The following HUS1 variants were observed in gnomAD, a reference collection of about 807,000 sequenced individuals.
HUS1 encodes HUS1 checkpoint clamp component, also known as checkpoint protein HUS1.
HUS1 carries 31 observed loss-of-function variants against 32.6 expected under a neutral mutation model. The observed-to-expected ratio is 0.95, with a 90% CI of 0.72 to 1.28. The LOEUF (loss-of-function observed/expected upper bound fraction) is 1.28. HUS1 is among the 50% of genes most tolerant of loss of function. The probability of loss-of-function intolerance (pLI) is 0.00; values close to 1 mark genes in which losing one functional copy is unlikely to be tolerated. For missense variants in HUS1, 340 were observed against 337.7 expected, an observed-to-expected ratio of 1.01 and a Z score of -0.05; for synonymous variants, 123 against 116.6, an observed-to-expected ratio of 1.06 and a Z score of -0.36.
At position 47,964,024 on chromosome 7, in the gene HUS1, A is replaced by T. The variant is rs1341332115; in HGVS notation, c.*1332T>A. The stretch of plus-strand genomic sequence containing the variant: ...CAAAATATAAATTTTCATGTTAGCT[A>T]GTCTTCCAATTTCATTTTATCCTAA... On this transcript the variant is annotated 3_prime_UTR_variant, in exon 8 of 8. Coordinates refer to ENST00000258774, the MANE Select transcript of HUS1 (RefSeq NM_004507.4). The T allele has an allele frequency of 6.6e-6, 1 of 152,262 alleles. No individual in the cohort carries two copies. The highest frequency in any genetic ancestry group is 1.5e-5 in the Non-Finnish European group (1 of 68,046). 9.4% of individuals were successfully genotyped at this position (152,262 alleles called of 1,614,324 possible).
At chr7:47,968,988 AC>A (rs1429456599) in intron 6 of HUS1, 1 of 477,592 alleles carries the variant, frequency 2.1e-6, no homozygotes, top group Non-Finnish European at 3.7e-6. Flanking sequence ...GAGGATGGAG[AC>A]CCTGCACAGA....
intron 4 of HUS1, 140 bp downstream of exon 4, chr7:47,976,590 T>C (rs1319024496): frequency 1.5e-5 from 10 of 670,062 alleles, no homozygotes; most frequent in Non-Finnish European, 2.4e-5. Flanking sequence ...TTTATGTAAA[T>C]AACAAAAGGC....
intron 3 of HUS1, 123 bp downstream of exon 3, chr7:47,978,294 T>C (rs1444508593): frequency 4.9e-6 from 4 of 820,088 alleles, no homozygotes; most frequent in Non-Finnish European, 7.7e-6. Context: ...ATGGACCAGA[T>C]CTTTAAATTT....
Position 47,973,881 on chromosome 7 carries a change from C to T in HUS1, c.540+1732G>A, listed in dbSNP as rs1467358072. On this transcript the variant is annotated intron_variant, in intron 5 of 7. Coordinates refer to ENST00000258774, the MANE Select transcript of HUS1 (RefSeq NM_004507.4). Reference sequence around the variant, plus strand: ...GCCATCCTTCAATTAACAGCCCTGTCTTTTCTCTCCTGGGCCTCTCTGAAT... The same window carrying T: ...GCCATCCTTCAATTAACAGCCCTGTTTTTTCTCTCCTGGGCCTCTCTGAAT... Among the ~76,000 whole-genome samples the T allele has an allele frequency of 2.0e-5, 3 of 152,228 alleles. No individual in the cohort carries two copies. In the South Asian group the frequency reaches 6.2e-4, roughly 31 times the overall value.
Position 47,967,910 on chromosome 7 carries a change from T to A in HUS1, c.656A>T (p.His219Leu), listed in dbSNP as rs1198579054. 1 of 1,612,714 alleles carries A rather than the reference T, an allele frequency of 6.2e-7. No individual in the cohort carries two copies. Among genetic ancestry groups the A allele is most frequent in the Non-Finnish European group, 8.5e-7 (1 of 1,179,418 alleles). ...CATGTGTTCCACGTTTCTGTCCTCA[T>A]GGGTGCTTTCAGAGGCTAAAATGAT... ...GNPPLASESTHEDRNVEHMAE... is the reference protein window; with the variant it reads ...GNPPLASESTLEDRNVEHMAE... The change falls in exon 7 of 8, where the codon CAT becomes CTT. Residue 219 changes from histidine (H) to leucine (L), a missense_variant. Coordinates refer to ENST00000258774, the MANE Select transcript of HUS1 (RefSeq NM_004507.4).
chr7:47,976,243 A>G (rs747178922), intron 4 of HUS1: 2 of 414,886 alleles, frequency 4.8e-6, no homozygotes, highest in East Asian at 7.1e-5. Flanking sequence ...TTCTTCTTAA[A>G]CAAATTGTGA....
In HUS1 at chr7:47,975,495, T is replaced by C. The variant is rs945421301; in HGVS notation, c.540+118A>G. The C allele has an allele frequency of 4.7e-5, 33 of 700,234 alleles. No homozygotes were observed. The Admixed American group carries it at 5.9e-4, about 12-fold the overall frequency. The allele number at this position is 700,234 out of a possible 1,614,324, so 43.4% of individuals were successfully genotyped here. A position where few individuals can be genotyped will look rare whatever the true frequency, so the allele number is the denominator to read the frequency against. ...TTCTCAGCACCAGGCCAGGTCCTCA[T>C]AAGTGGGAACTCGGTTAGGAGGTGC... On this transcript the variant is annotated intron_variant, in intron 5 of 7. Transcript: ENST00000258774.
Position 47,970,530 on chromosome 7 carries a change from AAAT to A in HUS1, c.541-1215_541-1213del, listed in dbSNP as rs562059609. On this transcript the variant is annotated intron_variant, in intron 5 of 7. Transcript: ENST00000258774. ...CAAAGAGTTAAAAGGATCTGACAGAAAATAATAAAGACAGTGGAGAAGATCCAA... is the reference window on the plus strand; with the variant it reads ...CAAAGAGTTAAAAGGATCTGACAGAAAATAAAGACAGTGGAGAAGATCCAA... Among the ~76,000 whole-genome samples, 16 of 152,290 alleles carry A rather than the reference AAAT, an allele frequency of 1.1e-4. No homozygotes were observed. The South Asian group carries it at 3.1e-3, about 30-fold the overall frequency.
Position 47,976,734 on chromosome 7 carries a change from G to A in HUS1, c.461C>T (p.Pro154Leu). The change falls in exon 4 of 8, where the codon CCT becomes CTT. Residue 154 changes from proline to leucine, a missense_variant. By Grantham distance (98) the Pro-to-Leu change is moderately conservative (BLOSUM62 -3). Transcript: ENST00000258774. ...AGGACTGCAGGCATCACCTACATCA[G>A]GATCTGGGACCACCGGTTCTTGTAA... is the stretch of plus-strand genomic sequence containing the variant. ...KDLQEPVVPD[P>L]DVSIYLPVLK... The A allele has an allele frequency of 6.3e-7, 1 of 1,588,808 alleles. No homozygotes were observed. The highest frequency in any genetic ancestry group is 8.6e-7 in the Non-Finnish European group (1 of 1,157,026).
chr7:47,976,101 G>T (rs181188328), intron 4 of HUS1: 26 of 334,462 alleles, frequency 7.8e-5, no homozygotes, highest in African/African-American at 4.9e-4. Context: ...ACAAAAACAT[G>T]GCAGACAGTC....
intron 5 of HUS1, among the ~76,000 whole-genome samples, chr7:47,969,815 G>A (rs564053718): frequency 1.3e-5 from 2 of 152,292 alleles, no homozygotes; most frequent in South Asian, 2.1e-4. Flanking sequence ...AAAGTCCTGG[G>A]GATGTGGTGA....
chr7:47,969,016 T>G (rs1203450812), intron 6 of HUS1: 4 of 517,972 alleles, frequency 7.7e-6, no homozygotes, highest in South Asian at 4.7e-5. Flanking sequence ...AGCTACTTGG[T>G]GGCACAGCTT....
chr7:47,978,704 C>A lies in HUS1; in HGVS notation c.165G>T (p.Trp55Cys). The A allele has an allele frequency of 6.2e-7, 1 of 1,614,198 alleles. No individual in the cohort carries two copies. The highest frequency in any genetic ancestry group is 8.5e-7 in the Non-Finnish European group (1 of 1,180,000). Residue 55 changes from tryptophan (W) to cysteine (C), a missense_variant, in exon 2 of 8, where the codon TGG becomes TGT. Trp to Cys is a radical substitution (Grantham distance 215). Coordinates refer to ENST00000258774, the MANE Select transcript of HUS1 (RefSeq NM_004507.4). Reference sequence around the variant, plus strand: ...TTTTGCTCACCTGTTCCAGCTCACACCACATGCTCACTCCTCCATTAGCCA... The same window carrying A: ...TTTTGCTCACCTGTTCCAGCTCACAACACATGCTCACTCCTCCATTAGCCA... ...DKLANGGVSM[W>C]CELEQENFFN...
chr7:47,979,299 CTCCCG>C, intron 1 of HUS1, 164 bp downstream of exon 1: 1 of 413,196 alleles, frequency 2.4e-6, no homozygotes, highest in African/African-American at 2.1e-5. Flanking sequence ...GCCCCGCGCC[CTCCCG>C]GCCCCACCCT....
intron 6 of HUS1, 95 bp downstream of exon 6, chr7:47,969,124 A>T (rs1440077032): frequency 1.5e-6 from 1 of 648,398 alleles, no homozygotes; most frequent in African/African-American, 1.8e-5. Flanking sequence ...AAGTCAACTG[A>T]ATTTCAACCT....
chr7:47,978,977 G>C lies in HUS1; in HGVS notation c.53-161C>G. ...AGTACTTTAATACCCCTGATGTCAC[G>C]CAATTCTCCCAACAAACTAGGGGAG... On this transcript the variant is annotated intron_variant, in intron 1 of 7. Transcript: ENST00000258774. 1.2e-5 allele frequency: 8 copies of C among 661,802 alleles called. No homozygotes were observed. The South Asian group carries it at 1.3e-4, about 11-fold the overall frequency. 41.0% of individuals were successfully genotyped at this position (661,802 alleles called of 1,614,324 possible).
At chr7:47,973,568 G>A (rs1259758013) in intron 5 of HUS1, among the ~76,000 whole-genome samples, 2 of 152,180 alleles carry the variant, frequency 1.3e-5, no homozygotes, top group African/African-American at 4.8e-5. Flanking sequence ...TAATGGGAAG[G>A]TGGGCATTTT....
intron 7 of HUS1, among the ~76,000 whole-genome samples, chr7:47,966,248 AC>A (rs1421239773): frequency 1.4e-4 from 21 of 152,300 alleles, no homozygotes; most frequent in African/African-American, 5.1e-4. Flanking sequence ...AAGGAGACTA[AC>A]AGAGACAGAA....
intron 1 of HUS1, 134 bp downstream of exon 1, chr7:47,979,334 C>A (rs1328499231): frequency 9.7e-6 from 8 of 823,846 alleles, no homozygotes; most frequent in Admixed American, 4.8e-5. Flanking sequence ...TACACCAGCA[C>A]CCCCATCCCG....
Sources: allele counts gnomAD v4.1 joint callset (sites outside exome capture counted in the v4.1 genomes callset), GRCh38; gene constraint gnomAD v4.1.1; transcripts MANE v1.5; gene names NCBI Gene and HGNC (gene_info 2026-07-23, HGNC 2026-07-21).